NLGN4Y: variants seen among roughly 807,000 people sequenced by gnomAD.
The protein encoded by NLGN4Y is neuroligin-4, Y-linked.
In NLGN4Y, 4 loss-of-function variants were observed where a neutral mutation model predicts 8.4. The ratio of observed to expected loss-of-function variants is 0.48; its 90% CI spans 0.23 to 1.09. The LOEUF (loss-of-function observed/expected upper bound fraction) is 1.09. Among genes scored for constraint, NLGN4Y ranks in the 50% least tolerant of loss-of-function variants. The pLI is 0.19. For missense variants in NLGN4Y, 90 were observed against 192.3 expected (o/e 0.47, Z 3.15); for synonymous variants, 35 against 75.6 (o/e 0.46, Z 2.78).
chrY:14,684,296 G>C, intron 2 of NLGN4Y, among the ~76,000 whole-genome samples: 1 of 33,413 alleles, frequency 3.0e-5, no homozygotes, highest in South Asian at 6.6e-4. Flanking sequence ...AGATCACCCT[G>C]TGTCTTAGCC....
At chrY:14,810,725 T>C (rs2043075038) in intron 4 of NLGN4Y, among the ~76,000 whole-genome samples, 1 of 33,185 alleles carries the variant, frequency 3.0e-5, no homozygotes, top group Admixed American at 2.8e-4. Context: ...TTTTATGTAA[T>C]TGAAACTAAA....
chrY:14,832,087 A>G (rs984165051), intron 6 of NLGN4Y, among the ~76,000 whole-genome samples: 7 of 34,551 alleles, frequency 2.0e-4, no homozygotes, highest in Admixed American at 1.8e-3. Context: ...CTTTAAACTG[A>G]ATAGAAGAGC....
At chrY:14,753,373 A>C (rs2081048338) in intron 4 of NLGN4Y, among the ~76,000 whole-genome samples, 2 of 30,551 alleles carry the variant, frequency 6.5e-5, no homozygotes, top group Non-Finnish European at 1.6e-4. Context: ...TCCTGAGCTC[A>C]GGCAATCCAC....
chrY:14,740,579 G>A, intron 4 of NLGN4Y, among the ~76,000 whole-genome samples: 1 of 33,428 alleles, frequency 3.0e-5, no homozygotes, highest in South Asian at 6.6e-4. Flanking sequence ...TAGCTAACCA[G>A]CAATAATAAT....
rs750006154 is a variant in NLGN4Y at position 14,723,376 on chromosome Y, T to G, written c.685+107T>G. 1.2e-4 allele frequency: 29 copies of G among 242,548 alleles called. No homozygotes were observed. In the African/African-American group the frequency reaches 2.1e-3, roughly 18 times the overall value. 60.5% of individuals were successfully genotyped at this position (242,548 alleles called of 400,897 possible). A position where few individuals can be genotyped will look rare whatever the true frequency, so the allele number is the denominator to read the frequency against. On this transcript the variant is annotated intron_variant, in intron 4 of 6. Transcript: ENST00000684976. ...TGAATCCCGTTATTACAGTTCCTGG[T>G]TAATTCCACTTTACGGTATTTACTT...
At position 14,582,214 on chromosome Y, in the gene NLGN4Y, C is replaced by T; in HGVS notation, c.-111-39795C>T. Among the ~76,000 whole-genome samples the T allele has an allele frequency of 2.4e-4, 8 of 33,692 alleles. No homozygotes were observed. In the South Asian group the frequency reaches 5.4e-3, roughly 23 times the overall value. The allele number at this position is 33,692 out of a possible 37,273, so 90.4% of individuals were successfully genotyped here. Reference sequence around the variant, plus strand: ...CAGCCTATTTCCACAAGAATGGACCCTCTGAGAGAGGACAGTCTTCGTACT... The same window carrying T: ...CAGCCTATTTCCACAAGAATGGACCTTCTGAGAGAGGACAGTCTTCGTACT... On this transcript the variant is annotated intron_variant, in intron 1 of 6. Transcript: ENST00000684976.
chrY:14,647,648 G>A, intron 2 of NLGN4Y, among the ~76,000 whole-genome samples: 1 of 33,813 alleles, frequency 3.0e-5, no homozygotes, highest in Non-Finnish European at 7.3e-5. Flanking sequence ...TGAGAGGAAA[G>A]CATCAAAAAG....
Position 14,843,428 on chromosome Y carries a change from C to T in NLGN4Y, c.*2166C>T. On this transcript the variant is annotated 3_prime_UTR_variant, in exon 7 of 7. Transcript: ENST00000684976. The stretch of plus-strand genomic sequence containing the variant: ...CCTGAGCAACCACAAATAGGCTCTC[C>T]ATGAAACTGCAAAGGAACTGATGTG... The T allele has an allele frequency of 8.4e-6, 1 of 119,360 alleles. No individual in the cohort carries two copies. Among genetic ancestry groups the T allele is most frequent in the Non-Finnish European group, 1.8e-5 (1 of 55,740 alleles). 29.8% of individuals were successfully genotyped at this position (119,360 alleles called of 400,897 possible).
At chrY:14,599,755 A>C (rs2080420250) in intron 1 of NLGN4Y, among the ~76,000 whole-genome samples, 1 of 33,061 alleles carries the variant, frequency 3.0e-5, no homozygotes, top group African/African-American at 1.2e-4. Context: ...TGCCTGTTAT[A>C]GTGCATTTGA....
intron 4 of NLGN4Y, chrY:14,733,467 G>A (rs1309063479): frequency 1.1e-5 from 4 of 354,328 alleles, no homozygotes; most frequent in East Asian, 2.1e-4. Flanking sequence ...CAAGAGGCAC[G>A]TTTGTGTGGG....
chrY:14,704,904 C>T (rs2080870466), intron 2 of NLGN4Y, among the ~76,000 whole-genome samples: 1 of 32,793 alleles, frequency 3.0e-5, no homozygotes, highest in Non-Finnish European at 7.5e-5. Context: ...GTGTATGTGT[C>T]GAGGAATTTA....
intron 2 of NLGN4Y, among the ~76,000 whole-genome samples, chrY:14,670,993 C>T: frequency 3.1e-5 from 1 of 32,673 alleles, no homozygotes; most frequent in Non-Finnish European, 7.5e-5. Flanking sequence ...GTTACTGTGC[C>T]CTTACAGAGA....
At chrY:14,736,769 G>A (rs2080992542) in intron 4 of NLGN4Y, among the ~76,000 whole-genome samples, 2 of 32,164 alleles carry the variant, frequency 6.2e-5, no homozygotes, top group African/African-American at 2.5e-4. Flanking sequence ...TGTGAAGAAG[G>A]ACATTTTTGC....
chrY:14,530,594 A>G (rs2080107555), intron 1 of NLGN4Y, among the ~76,000 whole-genome samples: 4 of 33,272 alleles, frequency 1.2e-4, no homozygotes, highest in Non-Finnish European at 3.0e-4. Context: ...TTGTCCATCA[A>G]TATTGTGCAA....
At chrY:14,552,455 C>T (rs2080196506) in intron 1 of NLGN4Y, among the ~76,000 whole-genome samples, 1 of 33,769 alleles carries the variant, frequency 3.0e-5, no homozygotes, top group Non-Finnish European at 7.3e-5. Flanking sequence ...GATACCACAA[C>T]CTGGCAGAGA....
At chrY:14,805,376 G>C in intron 4 of NLGN4Y, among the ~76,000 whole-genome samples, 2 of 33,187 alleles carry the variant, frequency 6.0e-5, no homozygotes, top group Non-Finnish European at 1.5e-4. Flanking sequence ...TGAAACAGAG[G>C]TCAAATAGAG....
chrY:14,603,716 T>C, intron 1 of NLGN4Y, among the ~76,000 whole-genome samples: 1 of 33,343 alleles, frequency 3.0e-5, no homozygotes, highest in Non-Finnish European at 7.4e-5. Flanking sequence ...ACTTTGAGTT[T>C]GGTGAGACAG....
intron 1 of NLGN4Y, among the ~76,000 whole-genome samples, chrY:14,563,987 C>A (rs767338020): frequency 1.2e-4 from 4 of 32,994 alleles, no homozygotes; most frequent in Admixed American, 1.1e-3. Context: ...TTCAAAAAAA[C>A]CAGCTACTGG....
chrY:14,745,634 T>G, intron 4 of NLGN4Y, among the ~76,000 whole-genome samples: 1 of 33,653 alleles, frequency 3.0e-5, no homozygotes, highest in Non-Finnish European at 7.4e-5. Context: ...GGGAATGGTG[T>G]CTTTTAGACC....
Sources: allele counts gnomAD v4.1 joint callset (sites outside exome capture counted in the v4.1 genomes callset), GRCh38; gene constraint gnomAD v4.1.1; transcripts MANE v1.5; gene names NCBI Gene and HGNC (gene_info 2026-07-23, HGNC 2026-07-21).